DOCK8: variants seen among roughly 807,000 people sequenced by gnomAD.
The protein encoded by DOCK8 is dedicator of cytokinesis 8.
In DOCK8, 141 loss-of-function variants were observed where a neutral mutation model predicts 245.6. The ratio of observed to expected loss-of-function variants is 0.57; its 90% confidence interval spans 0.50 to 0.66. DOCK8 has a LOEUF of 0.66. Among genes scored for constraint, DOCK8 ranks in the 30% least tolerant of loss-of-function variants. The pLI, the probability that DOCK8 is intolerant of heterozygous loss-of-function variation, is 0.00. For missense variants in DOCK8, 2,965 were observed against 2,603.4 expected (o/e 1.14, Z -3.02); for synonymous variants, 1,168 against 970.2 (o/e 1.20, Z -3.79).
At chr9:260,874 G>T (rs954475242) in intron 1 of DOCK8, among the ~76,000 whole-genome samples, 2 of 152,196 alleles carry the variant, frequency 1.3e-5, no homozygotes, top group African/African-American at 4.8e-5. Flanking sequence ...AATGAACAAT[G>T]GGTGAACACT....
intron 40 of DOCK8, 112 bp from the exon 41 acceptor site, chr9:441,174 A>G (rs1011658829): frequency 6.7e-7 from 1 of 1,502,882 alleles, no homozygotes; most frequent in Admixed American, 1.7e-5. Context: ...AAATACTGTG[A>G]TACAACAATA....
intron 1 of DOCK8, among the ~76,000 whole-genome samples, chr9:231,486 T>C (rs1312001062): frequency 6.6e-6 from 1 of 152,202 alleles, no homozygotes; most frequent in African/African-American, 2.4e-5. Context: ...CTAAATTACC[T>C]TGGGCAGTAT....
Position 374,127 on chromosome 9 carries a change from A to G in DOCK8, c.2109+1841A>G, listed in dbSNP as rs182023870. On this transcript the variant is annotated intron_variant, in intron 18 of 47. Transcript: ENST00000432829. ...TAAATGAGATAATGCTTGCCAAACAACAAACTCAATTCCTAAGTAAACATT... is the reference window on the plus strand; with the variant it reads ...TAAATGAGATAATGCTTGCCAAACAGCAAACTCAATTCCTAAGTAAACATT... 1.7e-3 allele frequency among the ~76,000 whole-genome samples: 256 copies of G among 152,342 alleles called. 3 individuals are homozygous for G. The highest frequency in any genetic ancestry group is 6.0e-3 in the African/African-American group (249 of 41,584).
intron 15 of DOCK8, chr9:369,652 T>G (rs2053188636): frequency 6.2e-6 from 1 of 160,542 alleles, no homozygotes; most frequent in African/African-American, 2.4e-5. Context: ...TGGATAGACC[T>G]CTAGGCAGTG....
chr9:370,630 A>G (rs2131207059), intron 16 of DOCK8, among the ~76,000 whole-genome samples: 1 of 152,366 alleles, frequency 6.6e-6, no homozygotes, highest in Admixed American at 6.5e-5. Flanking sequence ...GACCAGAAGC[A>G]CAGTCCGGCT....
At chr9:212,100 C>A (rs2131299017), upstream of DOCK8, among the ~76,000 whole-genome samples, 1 of 152,230 alleles carries the variant, frequency 6.6e-6, no homozygotes, top group East Asian at 1.9e-4. Flanking sequence ...TCAGTTTCTC[C>A]AGTTGCAAAG....
intron 1 of DOCK8, among the ~76,000 whole-genome samples, chr9:232,585 G>A (rs1372951425): frequency 6.6e-6 from 1 of 152,124 alleles, no homozygotes; most frequent in Non-Finnish European, 1.5e-5. Flanking sequence ...CCTGTTATTT[G>A]TCTATTCAGA....
chr9:409,004 C>G (rs1169859867), intron 28 of DOCK8, among the ~76,000 whole-genome samples: 1 of 152,182 alleles, frequency 6.6e-6, no homozygotes, highest in African/African-American at 2.4e-5. Flanking sequence ...GTCAGTTACT[C>G]TCCTGGAAAG....
At chr9:432,448 T>C in intron 37 of DOCK8, 124 bp downstream of exon 37, 4 of 964,402 alleles carry the variant, frequency 4.1e-6, no homozygotes, top group Non-Finnish European at 6.2e-6. Context: ...GTATTTATTG[T>C]CCAATATGCA....
chr9:326,866 A>G (rs2050787528), intron 8 of DOCK8, among the ~76,000 whole-genome samples: 1 of 152,212 alleles, frequency 6.6e-6, no homozygotes, highest in Non-Finnish European at 1.5e-5. Context: ...ATCACCCCTC[A>G]TTGCAAAGGA....
In DOCK8 at chr9:260,659, A is replaced by G. The variant is rs549330761; in HGVS notation, c.54-10968A>G. Among the ~76,000 whole-genome samples, 3 of 152,354 alleles carry G rather than the reference A, an allele frequency of 2.0e-5. No homozygotes were observed. In the South Asian group the frequency reaches 6.2e-4, roughly 32 times the overall value. On this transcript the variant is annotated intron_variant, in intron 1 of 47. Transcript: ENST00000432829. ...AATTTTTTTGTGCTGGCAGAAAACT[A>G]GAAACAACAGAAATGAATGAAAGAG... is the stretch of plus-strand genomic sequence containing the variant.
At chr9:426,043 T>G (rs1033083393) in intron 33 of DOCK8, among the ~76,000 whole-genome samples, 3 of 152,156 alleles carry the variant, frequency 2.0e-5, no homozygotes, top group Non-Finnish European at 2.9e-5. Flanking sequence ...GGTAACATCT[T>G]GGCTACTGAG....
chr9:352,757 T>G (rs2052236378), intron 14 of DOCK8, among the ~76,000 whole-genome samples: 1 of 52,000 alleles, frequency 1.9e-5, no homozygotes. Flanking sequence ...AAAGTGCCGA[T>G]ACTTTATATA....
rs1232675815 is a variant in DOCK8, at chr9:261,177, C to T, written c.54-10450C>T. On this transcript the variant is annotated intron_variant, in intron 1 of 47. Coordinates refer to ENST00000432829, the MANE Select transcript of DOCK8 (RefSeq NM_203447.4). ...ACAGGAGTAGGAGGGAGACATTGTA[C>T]AATATGCTTTTTTATACTTTTTATA... Among the ~76,000 whole-genome samples, 3 of 151,648 alleles carry T rather than the reference C, an allele frequency of 2.0e-5. No homozygotes were observed. The East Asian group carries it at 5.8e-4, about 29-fold the overall frequency.
At chr9:352,593 AT>A (rs1022293797) in intron 14 of DOCK8, among the ~76,000 whole-genome samples, 13 of 152,052 alleles carry the variant, frequency 8.5e-5, no homozygotes, top group Admixed American at 6.5e-4. Context: ...AATACAAAAA[AT>A]TAGCTGGGCG....
chr9:441,958 C>T lies in DOCK8; in HGVS notation c.5439C>T (p.Val1813=). ...GGGATTTGGATGAACAGGAGTTTGT[C>T]TACAAAGAGCCTGCAATTACCAAGC... ...KFGDLDEQEF[V]YKEPAITKLP... The change falls in exon 42 of 48, where the codon GTC becomes GTT. Residue 1813 remains valine (V), a synonymous_variant. Coordinates refer to ENST00000432829, the MANE Select transcript of DOCK8 (RefSeq NM_203447.4). 6.2e-7 allele frequency: 1 copy of T among 1,614,032 alleles called. No homozygotes were observed.
chr9:357,321 C>A (rs910459157), intron 14 of DOCK8, among the ~76,000 whole-genome samples: 1 of 152,134 alleles, frequency 6.6e-6, no homozygotes, highest in Admixed American at 6.6e-5. Context: ...AAGAGTTGTG[C>A]TGTATAAAAT....
chr9:433,081 A>T (rs535589320), intron 37 of DOCK8, among the ~76,000 whole-genome samples: 13 of 152,246 alleles, frequency 8.5e-5, no homozygotes, highest in African/African-American at 1.2e-4. Flanking sequence ...GCAATGTTGC[A>T]TCCTCATTCT....
At chr9:445,187 C>T (rs1326859541) in intron 43 of DOCK8, among the ~76,000 whole-genome samples, 1 of 152,220 alleles carries the variant, frequency 6.6e-6, no homozygotes, top group East Asian at 1.9e-4. Flanking sequence ...CCACAGTGAT[C>T]TGTACATAGC....
Sources: gnomAD v4.1 joint callset for allele counts (sites outside exome capture counted in the v4.1 genomes callset) on GRCh38, gnomAD v4.1.1 for gene constraint, MANE v1.5 for transcripts, NCBI Gene and HGNC (gene_info 2026-07-23, HGNC 2026-07-21) for gene names.